Variants in MTMR2 observed in about 807,000 individuals in gnomAD.
The protein encoded by MTMR2 is myotubularin related protein 2.
MTMR2 carries 55 observed loss-of-function variants against 86.9 expected under a neutral mutation model. That is an observed-to-expected ratio of 0.63 (90% CI 0.51 to 0.79). The LOEUF is 0.79. MTMR2 is among the 30% of genes least tolerant of loss of function. The pLI, the probability that MTMR2 is intolerant of heterozygous loss-of-function variation, is 0.00. For missense variants in MTMR2, 659 were observed against 772.3 expected (o/e 0.85, Z 1.74); for synonymous variants, 241 against 266.8 (o/e 0.90, Z 0.94).
chr11:95,919,625 A>T (rs942148477), intron 1 of MTMR2, among the ~76,000 whole-genome samples: 2 of 152,330 alleles, frequency 1.3e-5, no homozygotes, highest in Admixed American at 6.5e-5. Context: ...TGAAGAGGAC[A>T]TAATAACCTC....
intron 2 of MTMR2, among the ~76,000 whole-genome samples, chr11:95,873,283 G>GGTA (rs1864966587): frequency 6.6e-6 from 1 of 152,174 alleles, no homozygotes; most frequent in Admixed American, 6.5e-5. Flanking sequence ...CTCAATTTCA[G>GGTA]AGCCTGTTAT....
At chr11:95,889,719 A>G (rs1865646280) in intron 1 of MTMR2, among the ~76,000 whole-genome samples, 2 of 152,120 alleles carry the variant, frequency 1.3e-5, no homozygotes, top group African/African-American at 4.8e-5. Flanking sequence ...AACATGTATT[A>G]TGTTTGTTAA....
intron 5 of MTMR2, 98 bp from the exon 6 acceptor site, chr11:95,858,730 G>A: frequency 1.3e-6 from 1 of 795,112 alleles, no homozygotes; most frequent in Non-Finnish European, 2.1e-6. Context: ...GTTAAGATCT[G>A]TGAATGTGGG....
rs376878404 is a variant in MTMR2 at position 95,844,225 on chromosome 11, A to G, written c.1386+728T>C. On this transcript the variant is annotated intron_variant, in intron 11 of 14. Coordinates refer to ENST00000346299, the MANE Select transcript of MTMR2 (RefSeq NM_016156.6). ...GTTTGTTTTAAATGGCCGTTTCATG[A>G]TAAGTACATTGTGTAGAGAACGGCA... Among the ~76,000 whole-genome samples, 33 of 152,304 alleles carry G rather than the reference A, an allele frequency of 2.2e-4. No individual in the cohort carries two copies. In the South Asian group the frequency reaches 6.4e-3, roughly 30 times the overall value.
chr11:95,906,061 C>T (rs1263385138), intron 1 of MTMR2, among the ~76,000 whole-genome samples: 1 of 152,084 alleles, frequency 6.6e-6, no homozygotes, highest in South Asian at 2.1e-4. Context: ...CTTGTCTCCA[C>T]TAAAAATACA....
intron 13 of MTMR2, among the ~76,000 whole-genome samples, chr11:95,837,715 T>C (rs530987822): frequency 2.6e-5 from 4 of 152,190 alleles, no homozygotes; most frequent in South Asian, 2.1e-4. Flanking sequence ...ACTTGGGAAT[T>C]TGAGCTGCCT....
chr11:95,864,661 A>T (rs1366144864), intron 3 of MTMR2, among the ~76,000 whole-genome samples: 2 of 152,176 alleles, frequency 1.3e-5, no homozygotes. Flanking sequence ...GTGTATATAT[A>T]AGGCTAACTG....
intron 1 of MTMR2, among the ~76,000 whole-genome samples, chr11:95,915,478 G>A (rs757106645): frequency 6.6e-6 from 1 of 152,102 alleles, no homozygotes; most frequent in Non-Finnish European, 1.5e-5. Flanking sequence ...AACTCCTTAT[G>A]TTTGAAATTA....
intron 1 of MTMR2, among the ~76,000 whole-genome samples, chr11:95,897,637 CAT>C (rs1203139973): frequency 1.3e-5 from 2 of 152,100 alleles, no homozygotes; most frequent in South Asian, 2.1e-4. Context: ...TCATTTATAT[CAT>C]GTGATTTTAT....
Position 95,836,288 on chromosome 11 carries a change from T to C in MTMR2, c.1630A>G (p.Ile544Val), listed in dbSNP as rs781368440. ...PKRTVSLWSY[I>V]NSQLEDFTNP... ...GTGAAGTCTTCCAGCTGGCTGTTTA[T>C]GTAAGACCACAGTGACACAGTCCTT... Residue 544 changes from isoleucine to valine, a missense_variant, in exon 14 of 15, where the codon ATA (isoleucine) becomes GTA (valine). Around this residue, in one of 3 missense-constraint regions of MTMR2, gnomAD observed 193 missense variants for 191.6 expected, o/e 1.01. Coordinates refer to ENST00000346299, the MANE Select transcript of MTMR2 (RefSeq NM_016156.6). 2.3e-5 allele frequency: 37 copies of C among 1,612,892 alleles called. No individual in the cohort carries two copies. The highest frequency in any genetic ancestry group is 3.0e-5 in the Non-Finnish European group (35 of 1,179,176).
rs771406210 is a variant in MTMR2 at position 95,865,692 on chromosome 11, C to T, written c.187-16G>A. 15 of 1,586,356 alleles carry T rather than the reference C, an allele frequency of 9.5e-6. No individual in the cohort carries two copies. The South Asian group carries it at 1.4e-4, about 15-fold the overall frequency. On this transcript the variant is annotated splice_polypyrimidine_tract_variant and intron_variant, in intron 2 of 14. Coordinates refer to ENST00000346299, the MANE Select transcript of MTMR2 (RefSeq NM_016156.6). Reference sequence around the variant, plus strand: ...CCCTCAGGACCTGGGGTGGGAAAGACAAAAAAAGAAACATTTTTTTATTCA... The same window carrying T: ...CCCTCAGGACCTGGGGTGGGAAAGATAAAAAAAGAAACATTTTTTTATTCA...
At chr11:95,885,228 C>T (rs1367879236) in intron 2 of MTMR2, among the ~76,000 whole-genome samples, 1 of 152,096 alleles carries the variant, frequency 6.6e-6, no homozygotes, top group Non-Finnish European at 1.5e-5. Flanking sequence ...TTTATAATCA[C>T]CCTACCCATC....
intron 2 of MTMR2, among the ~76,000 whole-genome samples, chr11:95,870,135 G>A (rs956086512): frequency 6.6e-6 from 1 of 152,174 alleles, no homozygotes; most frequent in African/African-American, 2.4e-5. Flanking sequence ...ACTTTGAAAT[G>A]CATCAAAAAG....
chr11:95,874,486 GTC>G (rs1192804178), intron 2 of MTMR2, among the ~76,000 whole-genome samples: 5 of 152,030 alleles, frequency 3.3e-5, no homozygotes, highest in African/African-American at 1.2e-4. Flanking sequence ...GCCTATGTGT[GTC>G]TCTGCACGTG....
intron 11 of MTMR2, among the ~76,000 whole-genome samples, chr11:95,843,478 C>G (rs1052674340): frequency 2.0e-5 from 3 of 152,128 alleles, no homozygotes; most frequent in African/African-American, 4.8e-5. Flanking sequence ...CAACTAACCT[C>G]TAAGAAACTA....
chr11:95,914,919 C>T (rs993320187), intron 1 of MTMR2, among the ~76,000 whole-genome samples: 1 of 152,158 alleles, frequency 6.6e-6, no homozygotes, highest in Non-Finnish European at 1.5e-5. Context: ...CTACTTTATA[C>T]AGTTATGAGG....
chr11:95,844,337 T>C (rs1219893943), intron 11 of MTMR2, among the ~76,000 whole-genome samples: 1 of 152,250 alleles, frequency 6.6e-6, no homozygotes, highest in Non-Finnish European at 1.5e-5. Context: ...TTTAAATGTC[T>C]GTTCCTTTCA....
At position 95,888,224 on chromosome 11, in the gene MTMR2, T is replaced by G; in HGVS notation, c.118A>C (p.Lys40Gln). Residue 40 changes from lysine to glutamine, a missense_variant, in exon 2 of 15, where the codon AAA becomes CAA. This residue lies in a region of MTMR2 where 79 missense variants were observed against 54.4 expected (regional missense o/e 1.45). Coordinates refer to ENST00000346299, the MANE Select transcript of MTMR2 (RefSeq NM_016156.6). ...TSHSENSVHT[K>Q]SASVVSSDSI... Reference sequence around the variant, plus strand: ...TCTGATGATACAACAGAAGCTGATTTTGTATGCACTGAATTCTCTGAATGA... The same window carrying G: ...TCTGATGATACAACAGAAGCTGATTGTGTATGCACTGAATTCTCTGAATGA... The G allele has an allele frequency of 1.2e-6, 2 of 1,613,660 alleles. No homozygotes were observed. Among genetic ancestry groups the G allele is most frequent in the East Asian group, 2.2e-5 (1 of 44,802 alleles).
At chr11:95,871,230 T>C (rs1387843128) in intron 2 of MTMR2, among the ~76,000 whole-genome samples, 1 of 152,254 alleles carries the variant, frequency 6.6e-6, no homozygotes, top group Admixed American at 6.5e-5. Context: ...CAGCGTGATT[T>C]ATAATCCCTT....
Sources: allele counts gnomAD v4.1 joint callset (sites outside exome capture counted in the v4.1 genomes callset), GRCh38; gene constraint gnomAD v4.1.1; regional missense constraint gnomAD v4.1.1; transcripts MANE v1.5; gene names NCBI Gene and HGNC (gene_info 2026-07-23, HGNC 2026-07-21).